The following IMMP2L variants were observed in gnomAD, a reference collection of about 807,000 sequenced individuals.
IMMP2L encodes the protein mitochondrial inner membrane protease subunit 2.
In IMMP2L, 18 loss-of-function variants were observed where a neutral mutation model predicts 19.3. The ratio of observed to expected loss-of-function variants is 0.93; its 90% confidence interval spans 0.64 to 1.38. The LOEUF (loss-of-function observed/expected upper bound fraction) is 1.38. IMMP2L is among the 40% of genes most tolerant of loss of function. IMMP2L has a pLI of 0.00. For missense variants in IMMP2L, 233 were observed against 218.2 expected (o/e 1.07, Z -0.43); for synonymous variants, 76 against 73.0 (o/e 1.04, Z -0.21).
intron 1 of IMMP2L, among the ~76,000 whole-genome samples, chr7:111,545,009 A>T (rs892291909): frequency 1.4e-4 from 21 of 152,156 alleles, no homozygotes; most frequent in Non-Finnish European, 1.5e-5. Context: ...AGAATAAGAC[A>T]ACATCAAGAA....
chr7:110,910,135 C>T (rs258998), intron 4 of IMMP2L, among the ~76,000 whole-genome samples: 75,519 of 151,888 alleles, frequency 0.5, 19,320 homozygotes, highest in East Asian at 0.8. Context: ...TATACAGGAA[C>T]GATGCATGCT....
At chr7:111,160,944 A>C (rs1805191799) in intron 3 of IMMP2L, among the ~76,000 whole-genome samples, 1 of 151,692 alleles carries the variant, frequency 6.6e-6, no homozygotes, top group Admixed American at 6.6e-5. Context: ...GAATTAAAAG[A>C]TATAAAAGAA....
chr7:111,529,573 CAA>C (rs1160794210), intron 1 of IMMP2L, among the ~76,000 whole-genome samples: 1 of 151,018 alleles, frequency 6.6e-6, no homozygotes, highest in African/African-American at 2.4e-5. Context: ...GGCACATACA[CAA>C]AAAAAGAAAT....
intron 3 of IMMP2L, among the ~76,000 whole-genome samples, chr7:111,216,884 A>G (rs1402771642): frequency 1.3e-5 from 2 of 152,256 alleles, no homozygotes; most frequent in Non-Finnish European, 2.9e-5. Context: ...GAAGTCTTGC[A>G]GTGGATAAAA....
At chr7:110,775,004 T>TA (rs1470747892) in intron 5 of IMMP2L, among the ~76,000 whole-genome samples, 1 of 152,038 alleles carries the variant, frequency 6.6e-6, no homozygotes, top group Non-Finnish European at 1.5e-5. Flanking sequence ...TGCAGCCAAT[T>TA]AAAATCACAC....
intron 3 of IMMP2L, among the ~76,000 whole-genome samples, chr7:111,394,455 T>C (rs1185726924): frequency 3.3e-5 from 5 of 152,160 alleles, no homozygotes; most frequent in South Asian, 2.1e-4. Flanking sequence ...CTCCTTATTC[T>C]ATTTCTTTTC....
At chr7:111,266,564 G>A (rs934545945) in intron 3 of IMMP2L, among the ~76,000 whole-genome samples, 12 of 149,586 alleles carry the variant, frequency 8.0e-5, no homozygotes, top group Non-Finnish European at 1.8e-4. Context: ...AAAAAAAAAG[G>A]GATCTAGGTT....
intron 3 of IMMP2L, among the ~76,000 whole-genome samples, chr7:111,137,993 T>C (rs1347072534): frequency 1.3e-5 from 2 of 151,934 alleles, no homozygotes; most frequent in Non-Finnish European, 2.9e-5. Flanking sequence ...CCCAGCTAAT[T>C]TTTGTGGGGT....
At chr7:111,340,911 G>A (rs756585966) in intron 3 of IMMP2L, among the ~76,000 whole-genome samples, 1 of 151,984 alleles carries the variant, frequency 6.6e-6, no homozygotes, top group Non-Finnish European at 1.5e-5. Context: ...AGTCATCTGG[G>A]TAAAGACAGG....
At chr7:111,489,775 T>C (rs1339845242) in intron 2 of IMMP2L, among the ~76,000 whole-genome samples, 1 of 152,148 alleles carries the variant, frequency 6.6e-6, no homozygotes, top group Non-Finnish European at 1.5e-5. Context: ...TGATAATACC[T>C]AAATCCCTAA....
chr7:111,227,932 T>C (rs1562948214), intron 3 of IMMP2L, among the ~76,000 whole-genome samples: 1 of 152,142 alleles, frequency 6.6e-6, no homozygotes, highest in Non-Finnish European at 1.5e-5. Flanking sequence ...CTACTATTAA[T>C]CTGTTGTCTC....
intron 3 of IMMP2L, among the ~76,000 whole-genome samples, chr7:111,321,173 A>C (rs1342228845): frequency 1.3e-5 from 2 of 152,034 alleles, no homozygotes; most frequent in African/African-American, 2.4e-5. Flanking sequence ...AAGAGGCTAC[A>C]TCATGGCCTT....
intron 3 of IMMP2L, among the ~76,000 whole-genome samples, chr7:110,967,062 T>C (rs935217199): frequency 3.3e-5 from 5 of 152,078 alleles, no homozygotes; most frequent in Non-Finnish European, 7.4e-5. Flanking sequence ...AAACATTCTG[T>C]TTTATGCTTA....
chr7:111,509,026 A>C (rs947794721), intron 2 of IMMP2L, among the ~76,000 whole-genome samples: 1 of 152,200 alleles, frequency 6.6e-6, no homozygotes, highest in African/African-American at 2.4e-5. Flanking sequence ...AAATTTTTTA[A>C]AAGTTATAAG....
At chr7:111,209,785 T>C (rs1261568838) in intron 3 of IMMP2L, among the ~76,000 whole-genome samples, 1 of 152,140 alleles carries the variant, frequency 6.6e-6, no homozygotes, top group Non-Finnish European at 1.5e-5. Flanking sequence ...AAGTATATCA[T>C]CAAGAAACTG....
chr7:111,276,267 G>A (rs1219517351), intron 3 of IMMP2L, among the ~76,000 whole-genome samples: 1 of 151,874 alleles, frequency 6.6e-6, no homozygotes. Flanking sequence ...TACATATATC[G>A]AAGCATCCTT....
intron 3 of IMMP2L, among the ~76,000 whole-genome samples, chr7:111,452,768 C>T (rs1839324915): frequency 6.6e-6 from 1 of 152,088 alleles, no homozygotes; most frequent in Non-Finnish European, 1.5e-5. Flanking sequence ...CAAATTATTA[C>T]TCTATTTAAT....
chr7:111,016,809 C>CTATATAATATATATAATATATAG (rs1825674574), intron 3 of IMMP2L, among the ~76,000 whole-genome samples: 1 of 43,112 alleles, frequency 2.3e-5, no homozygotes, highest in Non-Finnish European at 4.5e-5. Context: ...ATAATATATA[C>CTATATAATATATATAATATATAG]TATATATTAT....
intron 5 of IMMP2L, among the ~76,000 whole-genome samples, chr7:110,706,714 T>A (rs906797740): frequency 2.6e-5 from 4 of 152,146 alleles, no homozygotes; most frequent in Non-Finnish European, 5.9e-5. Context: ...CTTGTTGATT[T>A]CCTTAAGTTC....
Sources: allele counts gnomAD v4.1 joint callset (sites outside exome capture counted in the v4.1 genomes callset), GRCh38; gene constraint gnomAD v4.1.1; transcripts MANE v1.5; gene names NCBI Gene and HGNC (gene_info 2026-07-23, HGNC 2026-07-21).